Variants in FARS2 observed in about 807,000 individuals in gnomAD.
FARS2 encodes phenylalanine--tRNA ligase, mitochondrial.
A neutral mutation model predicts 46.4 loss-of-function variants in FARS2; 40 were observed. That is an observed-to-expected ratio of 0.86 (90% confidence interval 0.67 to 1.12). The LOEUF (loss-of-function observed/expected upper bound fraction) is 1.12, where lower values mean the gene tolerates loss of function less well. FARS2 is among the 50% of genes most tolerant of loss of function. The pLI, the probability that FARS2 is intolerant of heterozygous loss-of-function variation, is 0.00. For missense variants in FARS2, 513 were observed against 567.9 expected (o/e 0.90, Z 0.98); for synonymous variants, 234 against 214.9 (o/e 1.09, Z -0.78).
At chr6:5,610,912 G>A (rs1180081283) in intron 5 of FARS2, among the ~76,000 whole-genome samples, 4 of 152,222 alleles carry the variant, frequency 2.6e-5, no homozygotes, top group Non-Finnish European at 5.9e-5. Flanking sequence ...GACGTGGTAT[G>A]TCCACTAGCT....
At chr6:5,478,781 G>A (rs761396742) in intron 4 of FARS2, among the ~76,000 whole-genome samples, 2 of 152,048 alleles carry the variant, frequency 1.3e-5, no homozygotes, top group Non-Finnish European at 2.9e-5. Flanking sequence ...GCCATGAGTG[G>A]CCAGATGGTT....
At chr6:5,280,464 C>T (rs937847476) in intron 1 of FARS2, among the ~76,000 whole-genome samples, 9 of 152,250 alleles carry the variant, frequency 5.9e-5, no homozygotes, top group African/African-American at 1.2e-4. Flanking sequence ...TGTCTAACTT[C>T]GCCATTGGAA....
intron 4 of FARS2, among the ~76,000 whole-genome samples, chr6:5,499,400 G>A (rs947906821): frequency 1.3e-5 from 2 of 152,206 alleles, no homozygotes; most frequent in Non-Finnish European, 2.9e-5. Context: ...TCCCTTCAGT[G>A]CAGGACATGA....
chr6:5,500,004 G>A (rs757769635), intron 4 of FARS2, among the ~76,000 whole-genome samples: 15 of 152,170 alleles, frequency 9.9e-5, no homozygotes, highest in Admixed American at 4.6e-4. Flanking sequence ...AGAAGCAAAT[G>A]TCAACTGTAC....
At chr6:5,650,850 C>T (rs867214263) in intron 6 of FARS2, among the ~76,000 whole-genome samples, 2 of 152,140 alleles carry the variant, frequency 1.3e-5, no homozygotes, top group African/African-American at 4.8e-5. Flanking sequence ...GGAGTGTGCT[C>T]CAATGGGAAG....
intron 4 of FARS2, among the ~76,000 whole-genome samples, chr6:5,486,930 T>C (rs1442492897): frequency 6.6e-6 from 1 of 152,212 alleles, no homozygotes; most frequent in Non-Finnish European, 1.5e-5. Flanking sequence ...TCAGTTGAAT[T>C]GTTTGATTTA....
intron 4 of FARS2, among the ~76,000 whole-genome samples, chr6:5,483,266 CTATCTT>C (rs141368471): frequency 0.014 from 2,070 of 152,334 alleles, 40 homozygotes; most frequent in African/African-American, 0.047. Flanking sequence ...CTCCTGCACT[CTATCTT>C]TATGTGATCA....
At chr6:5,737,241 A>G (rs142413126) in intron 6 of FARS2, among the ~76,000 whole-genome samples, 1 of 152,350 alleles carries the variant, frequency 6.6e-6, no homozygotes, top group African/African-American at 2.4e-5. Context: ...GGCTTCAGAA[A>G]TAAGATCCTG....
chr6:5,311,538 C>T lies in FARS2; in HGVS notation c.-22+49878C>T, dbSNP rs1209465411. On this transcript the variant is annotated intron_variant, in intron 1 of 6. Transcript: ENST00000274680. The surrounding 1 kb of genome is among the most constrained non-coding windows in gnomAD (Gnocchi z 4.1). ...GTATTAAAACATGCATACACCTGCA[C>T]GACCCTAATAAATGTTCCTTAGAAA... Among the ~76,000 whole-genome samples the T allele has an allele frequency of 5.3e-5, 8 of 152,146 alleles. No homozygotes were observed. The highest frequency in any genetic ancestry group is 9.7e-5 in the African/African-American group (4 of 41,446).
chr6:5,545,028 G>T (rs1016373212), intron 4 of FARS2, 152 bp from the exon 5 acceptor site: 5 of 677,600 alleles, frequency 7.4e-6, no homozygotes, highest in African/African-American at 7.2e-5. Flanking sequence ...TGGAAGATTG[G>T]GCACCCTCAT....
intron 6 of FARS2, among the ~76,000 whole-genome samples, chr6:5,651,821 T>G (rs59445682): frequency 0.014 from 2,185 of 152,176 alleles, 37 homozygotes; most frequent in African/African-American, 0.045. Flanking sequence ...TGCTTAATCA[T>G]TAGTCTAAAA....
Position 5,640,768 on chromosome 6 carries a change from A to G in FARS2, c.1217+27448A>G, listed in dbSNP as rs189769254. Among the ~76,000 whole-genome samples, 12 of 152,332 alleles carry G rather than the reference A, an allele frequency of 7.9e-5. No individual in the cohort carries two copies. The East Asian group carries it at 2.1e-3, about 27-fold the overall frequency. The stretch of plus-strand genomic sequence containing the variant: ...TTCAACTGCATATAGCCAATCACTA[A>G]TCAATGCTATTTCTGTAAACTAATG... On this transcript the variant is annotated intron_variant, in intron 6 of 6. Coordinates refer to ENST00000274680, the MANE Select transcript of FARS2 (RefSeq NM_006567.5).
intron 4 of FARS2, among the ~76,000 whole-genome samples, chr6:5,481,193 G>T (rs545389372): frequency 3.9e-4 from 60 of 152,200 alleles, no homozygotes; most frequent in Non-Finnish European, 6.8e-4. Context: ...GGTACCACCT[G>T]CCTCCAGAGC....
At position 5,597,971 on chromosome 6, in the gene FARS2, G is replaced by A. The variant is rs1774295694; in HGVS notation, c.1066-15198G>A. Among the ~76,000 whole-genome samples, 3 of 151,910 alleles carry A rather than the reference G, an allele frequency of 2.0e-5. No homozygotes were observed. In the South Asian group the frequency reaches 6.3e-4, roughly 32 times the overall value. On this transcript the variant is annotated intron_variant, in intron 5 of 6. Coordinates refer to ENST00000274680, the MANE Select transcript of FARS2 (RefSeq NM_006567.5). Reference sequence around the variant, plus strand: ...TAATAATACAGTAGCTACCCATGAAGCCGCCACCGGACCTGTGATCAATCT... The same window carrying A: ...TAATAATACAGTAGCTACCCATGAAACCGCCACCGGACCTGTGATCAATCT...
chr6:5,341,851 G>A (rs941501676), intron 1 of FARS2, among the ~76,000 whole-genome samples: 1 of 152,088 alleles, frequency 6.6e-6, no homozygotes, highest in African/African-American at 2.4e-5. Flanking sequence ...TCTGCTGCAA[G>A]CTGCTTTTAA....
At chr6:5,377,557 T>C (rs1260276115) in intron 2 of FARS2, among the ~76,000 whole-genome samples, 3 of 152,190 alleles carry the variant, frequency 2.0e-5, no homozygotes, top group African/African-American at 7.2e-5. Flanking sequence ...AAATTCTAAA[T>C]GCCTCTTGTT....
chr6:5,679,519 A>G (rs1019861789), intron 6 of FARS2, among the ~76,000 whole-genome samples: 7 of 152,146 alleles, frequency 4.6e-5, no homozygotes, highest in African/African-American at 1.7e-4. Context: ...CCCTCTGTCA[A>G]CACTCCCTGG....
rs1215369070 is a variant in FARS2 at position 5,630,401 on chromosome 6, A to G, written c.1217+17081A>G. ...TGGTAGAAAAATACTTTGGATGATC[A>G]TGTTTCTTTAAATATCCCACCCGTT... is the stretch of plus-strand genomic sequence containing the variant. On this transcript the variant is annotated intron_variant, in intron 6 of 6. Transcript: ENST00000274680. The surrounding 1 kb of genome is among the most constrained non-coding windows in gnomAD (Gnocchi z 4.2). 2.0e-5 allele frequency among the ~76,000 whole-genome samples: 3 copies of G among 152,208 alleles called. No homozygotes were observed. The highest frequency in any genetic ancestry group is 4.4e-5 in the Non-Finnish European group (3 of 68,034).
chr6:5,751,000 A>G (rs1423909621), intron 6 of FARS2, among the ~76,000 whole-genome samples: 1 of 152,088 alleles, frequency 6.6e-6, no homozygotes, highest in Non-Finnish European at 1.5e-5. Context: ...GAACTTCGTA[A>G]ATATAATAAG....
Sources: gnomAD v4.1 joint callset for allele counts (sites outside exome capture counted in the v4.1 genomes callset) on GRCh38, gnomAD v4.1.1 for gene constraint, Gnocchi (gnomAD v3.1) non-coding constraint, MANE v1.5 for transcripts, NCBI Gene and HGNC (gene_info 2026-07-23, HGNC 2026-07-21) for gene names.